The following HNF1A variants were observed in gnomAD, a reference collection of about 807,000 sequenced individuals.
HNF1A encodes the protein HNF1 homeobox A.
Under a neutral mutation model 62.2 loss-of-function variants are expected in HNF1A, and 21 were observed. The ratio of observed to expected loss-of-function variants is 0.34; its 90% CI spans 0.24 to 0.49. The LOEUF (loss-of-function observed/expected upper bound fraction) is 0.49, where lower values mean the gene tolerates loss of function less well. Among genes scored for constraint, HNF1A ranks in the 20% least tolerant of loss-of-function variants. HNF1A has a pLI of 0.99. For synonymous variants in HNF1A, 374 were observed against 366.8 expected (o/e 1.02, Z -0.22); for missense variants, 687 against 832.3 (o/e 0.83, Z 2.15).
chr12:121,001,657 A>G lies in HNF1A; in HGVS notation c.*465A>G. The G allele has an allele frequency of 2.2e-6, 1 of 456,902 alleles. No individual in the cohort carries two copies. Among genetic ancestry groups the G allele is most frequent in the Non-Finnish European group, 4.2e-6 (1 of 237,358 alleles). 28.3% of individuals were successfully genotyped at this position (456,902 alleles called of 1,614,324 possible). A position where few individuals can be genotyped will look rare whatever the true frequency, so the allele number is the denominator to read the frequency against. On this transcript the variant is annotated 3_prime_UTR_variant, in exon 10 of 10. Transcript: ENST00000257555. ...ATCAGCGTGGCCTTGTTCTGTCACC[A>G]ATGTACCCACCGGGCCACTCCTTCC...
rs1373931225 is a variant in HNF1A, at chr12:121,001,370, C to G, written c.*178C>G. On this transcript the variant is annotated 3_prime_UTR_variant, in exon 10 of 10. Transcript: ENST00000257555. ...AAGGGAGGGCTCTGAGGCGCCCCAA[C>G]CCGTGGAGGCTGCTCGGGGTGCACA... 1 of 745,098 alleles carries G rather than the reference C, an allele frequency of 1.3e-6. No homozygotes were observed. The highest frequency in any genetic ancestry group is 1.8e-5 in the African/African-American group (1 of 57,138). 46.2% of individuals were successfully genotyped at this position (745,098 alleles called of 1,614,324 possible).
At chr12:120,983,550 CTTT>C (rs554689596) in intron 1 of HNF1A, among the ~76,000 whole-genome samples, 1 of 143,792 alleles carries the variant, frequency 7.0e-6, no homozygotes. Context: ...TTCTTTCTTT[CTTT>C]TTTTTTTTTT....
rs56158114 is a variant in HNF1A, at chr12:120,979,099, G to GGAGCC, written c.326+6_326+10dup. 7.0e-4 allele frequency: 1,121 copies of GGAGCC among 1,605,852 alleles called. 10 individuals are homozygous for GGAGCC. The African/African-American group carries it at 0.012, about 18-fold the overall frequency. ...CGTGGTGGAGACCCTTCTGCAGTAA[G>GGAGCC]GAGCCCTGCCCCGTCCCCGCTCCCA... On this transcript the variant is annotated splice_donor_region_variant and intron_variant, in intron 1 of 9. Transcript: ENST00000257555.
chr12:120,997,785 T>A, intron 7 of HNF1A, 120 bp downstream of exon 7: 1 of 1,059,240 alleles, frequency 9.4e-7, no homozygotes, highest in Non-Finnish European at 1.4e-6. Context: ...GACAAGTGTG[T>A]TTCCGTGATT....
At chr12:120,990,653 TAGGAAAGGG>T (rs1490293124) in intron 2 of HNF1A, among the ~76,000 whole-genome samples, 2 of 82,840 alleles carry the variant, frequency 2.4e-5, no homozygotes, top group Non-Finnish European at 4.7e-5. Flanking sequence ...GGAGGAAAGG[TAGGAAAGGG>T]AGGAAAGGTA....
At position 120,996,302 on chromosome 12, in the gene HNF1A, AGTACCCTCAAGCAGCG is replaced by A; in HGVS notation, c.998_1013del (p.Val333AlafsTer4). 1 of 1,614,194 alleles carries A rather than the reference AGTACCCTCAAGCAGCG, an allele frequency of 6.2e-7. No homozygotes were observed. The highest frequency in any genetic ancestry group is 1.3e-5 in the African/African-American group (1 of 75,050). On this transcript the variant is annotated frameshift_variant, in exon 5 of 10. Coordinates refer to ENST00000257555, the MANE Select transcript of HNF1A (RefSeq NM_000545.8). LOFTEE classifies it high-confidence loss of function. The surrounding 1 kb of genome is among the most constrained non-coding windows in gnomAD (Gnocchi z 4.5). The stretch of plus-strand genomic sequence containing the variant: ...AGCCTGCGACCAGTGAGACTGCAGA[AGTACCCTCAAGCAGCG>A]GCGGTCCCTTAGTGACAGTGTCTAC...
rs2135840997 is a variant in HNF1A at position 120,994,151 on chromosome 12, G to T, written c.714-13G>T. 2 of 1,611,580 alleles carry T rather than the reference G, an allele frequency of 1.2e-6. No homozygotes were observed. Among genetic ancestry groups the T allele is most frequent in the Non-Finnish European group, 1.7e-6 (2 of 1,179,098 alleles). On this transcript the variant is annotated splice_polypyrimidine_tract_variant and intron_variant, in intron 3 of 9. Transcript: ENST00000257555. ...AGCCTGGCCTGGAGGCTCATGGGTG[G>T]CTATTTCTGCAGGGCGGAATGCATC...
Position 120,978,758 on chromosome 12 carries a change from G to A in HNF1A, c.-11G>A, listed in dbSNP as rs757926841. ...TGGACCCGGGCCGCGTGGCCCTGTG[G>A]CAGCCGAGCCATGGTTTCTAAACTG... is the stretch of plus-strand genomic sequence containing the variant. On this transcript the variant is annotated 5_prime_UTR_variant, in exon 1 of 10. Coordinates refer to ENST00000257555, the MANE Select transcript of HNF1A (RefSeq NM_000545.8). 2 of 1,612,310 alleles carry A rather than the reference G, an allele frequency of 1.2e-6. No individual in the cohort carries two copies. Among genetic ancestry groups the A allele is most frequent in the East Asian group, 4.5e-5 (2 of 44,854 alleles).
chr12:120,981,919 G>A (rs1876265482), intron 1 of HNF1A, among the ~76,000 whole-genome samples: 1 of 152,184 alleles, frequency 6.6e-6, no homozygotes, highest in African/African-American at 2.4e-5. Flanking sequence ...ATTGTCTGAG[G>A]CCCTGAAGAT....
At chr12:120,986,388 G>A (rs527694391) in intron 1 of HNF1A, among the ~76,000 whole-genome samples, 159 of 152,254 alleles carry the variant, frequency 1.0e-3, no homozygotes, top group Non-Finnish European at 2.0e-3. Flanking sequence ...GGCAAGCAAC[G>A]TGGCAAGGAA....
At chr12:120,983,753 C>T (rs1160939547) in intron 1 of HNF1A, among the ~76,000 whole-genome samples, 3 of 151,996 alleles carry the variant, frequency 2.0e-5, no homozygotes, top group African/African-American at 7.3e-5. Flanking sequence ...ACTGTGTTGG[C>T]CAGGGTGGTC....
At chr12:120,992,373 T>C (rs1593057436) in intron 2 of HNF1A, among the ~76,000 whole-genome samples, 1 of 152,218 alleles carries the variant, frequency 6.6e-6, no homozygotes, top group African/African-American at 2.4e-5. Flanking sequence ...TGACTCTTTT[T>C]ATACTTGATA....
At chr12:120,988,732 C>G in intron 1 of HNF1A, 101 bp from the exon 2 acceptor site, 1 of 1,052,326 alleles carries the variant, frequency 9.5e-7, no homozygotes, top group South Asian at 1.3e-5. Context: ...TGCACAGTCC[C>G]CACCCTCAGG....
intron 1 of HNF1A, among the ~76,000 whole-genome samples, chr12:120,985,797 C>A (rs1876480714): frequency 6.6e-6 from 1 of 152,034 alleles, no homozygotes. Flanking sequence ...CCAGCCTGGC[C>A]AACATGGTGA....
At chr12:121,000,959 CAGG>C (rs1877421239) in intron 9 of HNF1A, 103 bp from the exon 10 acceptor site, 5 of 1,474,016 alleles carry the variant, frequency 3.4e-6, no homozygotes, top group Admixed American at 1.7e-5. Flanking sequence ...TGCTGTGATC[CAGG>C]AGGTGTGGCC....
intron 9 of HNF1A, chr12:121,000,796 C>T (rs1277588894): frequency 6.0e-6 from 3 of 501,482 alleles, no homozygotes; most frequent in African/African-American, 1.9e-5. Flanking sequence ...CAAGCCAACA[C>T]GTACAACTAC....
At chr12:120,997,778 A>C (rs1406443876) in intron 7 of HNF1A, 113 bp downstream of exon 7, 2 of 1,171,258 alleles carry the variant, frequency 1.7e-6, no homozygotes, top group African/African-American at 3.0e-5. Context: ...TCTCTGGGAC[A>C]AGTGTGTTTC....
At chr12:120,983,508 C>A (rs1266109115) in intron 1 of HNF1A, among the ~76,000 whole-genome samples, 1 of 151,920 alleles carries the variant, frequency 6.6e-6, no homozygotes, top group African/African-American at 2.4e-5. Flanking sequence ...GCAGGAGATG[C>A]CTGGAGACTT....
chr12:120,979,197 C>A, intron 1 of HNF1A, 103 bp downstream of exon 1: 1 of 1,072,740 alleles, frequency 9.3e-7, no homozygotes, highest in Non-Finnish European at 1.4e-6. Flanking sequence ...GACCTTCAGC[C>A]TTTAGCCTAG....
Sources: allele counts gnomAD v4.1 joint callset (sites outside exome capture counted in the v4.1 genomes callset), GRCh38; gene constraint gnomAD v4.1.1; non-coding constraint Gnocchi (gnomAD v3.1); transcripts MANE v1.5; gene names NCBI Gene and HGNC (gene_info 2026-07-23, HGNC 2026-07-21).